CNTLN: variants seen among roughly 807,000 people sequenced by gnomAD.
CNTLN encodes centlein.
CNTLN carries 212 observed loss-of-function variants against 180.0 expected under a neutral mutation model. The observed-to-expected ratio is 1.18, with a 90% CI of 1.05 to 1.32. CNTLN has a LOEUF of 1.32. Among genes scored for constraint, CNTLN ranks in the 40% most tolerant of loss-of-function variants. The probability of loss-of-function intolerance (pLI) is 0.00; values close to 1 mark genes in which losing one functional copy is unlikely to be tolerated. For missense variants in CNTLN, 2,095 were observed against 1,610.9 expected (o/e 1.30, Z -5.14); for synonymous variants, 722 against 563.1 (o/e 1.28, Z -3.99).
chr9:17,397,517 C>G (rs1826628858), intron 15 of CNTLN, among the ~76,000 whole-genome samples: 1 of 152,192 alleles, frequency 6.6e-6, no homozygotes, highest in South Asian at 2.1e-4. Flanking sequence ...AGAGGTCACT[C>G]TGATCACTGT....
intron 6 of CNTLN, among the ~76,000 whole-genome samples, chr9:17,290,968 T>G (rs1829358352): frequency 6.6e-6 from 1 of 152,104 alleles, no homozygotes; most frequent in Non-Finnish European, 1.5e-5. Context: ...TCACCCGTCT[T>G]CTGTGTCGCT....
intron 5 of CNTLN, among the ~76,000 whole-genome samples, chr9:17,265,657 C>G (rs1038694355): frequency 3.9e-5 from 6 of 152,084 alleles, no homozygotes; most frequent in African/African-American, 1.4e-4. Flanking sequence ...GGCTGTGAAT[C>G]CATCTGGTCC....
rs1045188800 is a variant in CNTLN, at chr9:17,250,130, G to A, written c.849+13542G>A. The stretch of plus-strand genomic sequence containing the variant: ...TTGATTATTAGATCTTTTGTCTCTT[G>A]TAACCATTTCTGCCTTAAAGTCTCT... On this transcript the variant is annotated intron_variant, in intron 5 of 25. Coordinates refer to ENST00000380647, the MANE Select transcript of CNTLN (RefSeq NM_017738.4). 2.2e-4 allele frequency among the ~76,000 whole-genome samples: 34 copies of A among 151,288 alleles called. 1 individual carries two copies. The highest frequency in any genetic ancestry group is 8.2e-4 in the African/African-American group (34 of 41,238).
the CNTLN span, among the ~76,000 whole-genome samples, chr9:17,513,235 A>G: frequency 1.1e-4 from 17 of 152,262 alleles, no homozygotes; most frequent in African/African-American, 4.1e-4. Context: ...GATAAATAGG[A>G]TGGAAAAGGC....
chr9:17,276,674 A>G (rs945678008), intron 6 of CNTLN, among the ~76,000 whole-genome samples: 6 of 152,014 alleles, frequency 3.9e-5, no homozygotes, highest in African/African-American at 1.4e-4. Context: ...TCAGGCCTCA[A>G]TATGGATACT....
At chr9:17,299,366 G>C (rs1818189230) in intron 7 of CNTLN, 1 of 666,442 alleles carries the variant, frequency 1.5e-6, no homozygotes. Flanking sequence ...GATAGTAGTT[G>C]AGGCAAGTGA....
At chr9:17,489,115 A>T (rs1291173340) in intron 25 of CNTLN, among the ~76,000 whole-genome samples, 1 of 152,082 alleles carries the variant, frequency 6.6e-6, no homozygotes, top group African/African-American at 2.4e-5. Context: ...CAAGAGAAAA[A>T]TCTATAAAAT....
At chr9:17,379,321 T>C (rs2133572399) in intron 13 of CNTLN, among the ~76,000 whole-genome samples, 2 of 152,274 alleles carry the variant, frequency 1.3e-5, no homozygotes, top group Middle Eastern at 6.8e-3. Flanking sequence ...AGTACTTGGC[T>C]GAAGACTTAA....
At chr9:17,484,866 TA>T (rs1302968536) in intron 24 of CNTLN, among the ~76,000 whole-genome samples, 1 of 152,176 alleles carries the variant, frequency 6.6e-6, no homozygotes, top group Non-Finnish European at 1.5e-5. Context: ...CTCTTTGTGA[TA>T]TTTTTTAAAA....
intron 2 of CNTLN, among the ~76,000 whole-genome samples, chr9:17,215,326 C>G (rs752446030): frequency 2.0e-5 from 3 of 152,228 alleles, no homozygotes; most frequent in African/African-American, 4.8e-5. Context: ...ACTGCAGAAC[C>G]TCTTTGCCTG....
At chr9:17,516,585 G>A in the CNTLN span, among the ~76,000 whole-genome samples, 9 of 152,116 alleles carry the variant, frequency 5.9e-5, no homozygotes, top group African/African-American at 1.9e-4. Context: ...GTCCCTATTT[G>A]TTTAGATTCT....
intron 2 of CNTLN, among the ~76,000 whole-genome samples, chr9:17,219,268 T>A (rs1823972859): frequency 6.6e-6 from 1 of 151,424 alleles, no homozygotes; most frequent in Non-Finnish European, 1.5e-5. Context: ...TTTTTTTTTT[T>A]AGGTCTTGTA....
At chr9:17,266,590 C>T (rs1827468039) in intron 5 of CNTLN, among the ~76,000 whole-genome samples, 1 of 151,982 alleles carries the variant, frequency 6.6e-6, no homozygotes, top group African/African-American at 2.4e-5. Flanking sequence ...TCCTGGGTAT[C>T]CTTGTTAACT....
At chr9:17,150,470 G>A (rs929245502) in intron 2 of CNTLN, among the ~76,000 whole-genome samples, 6 of 152,136 alleles carry the variant, frequency 3.9e-5, no homozygotes, top group African/African-American at 1.4e-4. Flanking sequence ...TAGCTGTGTG[G>A]TGTTATTTCT....
intron 2 of CNTLN, among the ~76,000 whole-genome samples, chr9:17,185,454 C>T (rs990554526): frequency 2.6e-5 from 4 of 152,236 alleles, no homozygotes; most frequent in Non-Finnish European, 4.4e-5. Flanking sequence ...CACTATTTGT[C>T]ACAGCAAACG....
intron 13 of CNTLN, 124 bp from the exon 14 acceptor site, chr9:17,388,038 C>T: frequency 2.1e-6 from 1 of 481,692 alleles, no homozygotes; most frequent in East Asian, 3.5e-5. Flanking sequence ...TGGCCAAATA[C>T]TTGACAAGAA....
intron 12 of CNTLN, among the ~76,000 whole-genome samples, chr9:17,345,101 A>G (rs1439651605): frequency 6.6e-6 from 1 of 152,148 alleles, no homozygotes; most frequent in Non-Finnish European, 1.5e-5. Flanking sequence ...TGGATGGACC[A>G]CCTTATCCAT....
intron 8 of CNTLN, among the ~76,000 whole-genome samples, chr9:17,316,847 T>C (rs116039804): frequency 0.018 from 2,777 of 152,208 alleles, 85 homozygotes; most frequent in African/African-American, 0.064. Flanking sequence ...TAACTAACAA[T>C]TTACAGCAAT....
chr9:17,515,510 C>A, the CNTLN span, among the ~76,000 whole-genome samples: 1 of 152,096 alleles, frequency 6.6e-6, no homozygotes, highest in African/African-American at 2.4e-5. Flanking sequence ...TAATAGGTAT[C>A]CCAAATGTCA....
Sources: allele counts gnomAD v4.1 joint callset (sites outside exome capture counted in the v4.1 genomes callset), GRCh38; gene constraint gnomAD v4.1.1; transcripts MANE v1.5; gene names NCBI Gene and HGNC (gene_info 2026-07-23, HGNC 2026-07-21).